Variants in NEURL4 observed in about 807,000 individuals in gnomAD.
NEURL4 encodes the protein neuralized E3 ubiquitin protein ligase 4, also known as neuralized-like protein 4.
A neutral mutation model predicts 148.0 loss-of-function variants in NEURL4; 45 were observed. That is an observed-to-expected ratio of 0.30 (90% CI 0.24 to 0.39). The LOEUF (loss-of-function observed/expected upper bound fraction) is 0.39. Among genes scored for constraint, NEURL4 ranks in the 10% least tolerant of loss-of-function variants. The pLI, the probability that NEURL4 is intolerant of heterozygous loss-of-function variation, is 1.00. For missense variants in NEURL4, 1,776 were observed against 2,144.0 expected, an observed-to-expected ratio of 0.83 and a Z score of 3.39; for synonymous variants, 854 against 869.0, an observed-to-expected ratio of 0.98 and a Z score of 0.30.
rs2072939115 is a variant in NEURL4 at position 7,316,069 on chromosome 17, C to T, written c.*54G>A. 5 of 958,504 alleles carry T rather than the reference C, an allele frequency of 5.2e-6. No homozygotes were observed. The highest frequency in any genetic ancestry group is 8.6e-6 in the Non-Finnish European group (5 of 582,360). The allele number at this position is 958,504 out of a possible 1,614,324, so 59.4% of individuals were successfully genotyped here. ...GAATGAGGTGGAGGCAGTCGCCACT[C>T]AGAGTCCATGGGCCCGCGGCCCGAC... On this transcript the variant is annotated 3_prime_UTR_variant, in exon 29 of 29. Coordinates refer to ENST00000399464, the MANE Select transcript of NEURL4 (RefSeq NM_032442.3).
chr17:7,325,802 G>C, intron 6 of NEURL4, 89 bp from the exon 7 acceptor site: 1 of 1,073,244 alleles, frequency 9.3e-7, no homozygotes, highest in Non-Finnish European at 1.4e-6. Flanking sequence ...AGGTATTCGT[G>C]AGAGTCTCAG....
At position 7,317,850 on chromosome 17, in the gene NEURL4, C is replaced by T. The variant is rs2072971280; in HGVS notation, c.4143G>A (p.Arg1381=). The T allele has an allele frequency of 6.2e-7, 1 of 1,614,158 alleles. No individual in the cohort carries two copies. Among genetic ancestry groups the T allele is most frequent in the South Asian group, 1.1e-5 (1 of 91,092 alleles). The change falls in exon 26 of 29, where the codon AGG becomes AGA. Residue 1381 remains arginine (R), a synonymous_variant. Transcript: ENST00000399464. ...ATTCCCGGGGAGGCTCCCCTCTGCG[C>T]CTGTGGGCCTCGTCTCCTCGCAGCT... is the stretch of plus-strand genomic sequence containing the variant. ...CRKLRGDEAH[R]RRGEPPREYA... is the part of the protein sequence containing the mutation.
chr17:7,322,109 C>T lies in NEURL4; in HGVS notation c.2726-99G>A. 7.5e-7 allele frequency: 1 copy of T among 1,330,928 alleles called. No individual in the cohort carries two copies. The highest frequency in any genetic ancestry group is 1.0e-6 in the Non-Finnish European group (1 of 977,866). 82.4% of individuals were successfully genotyped at this position (1,330,928 alleles called of 1,614,324 possible). On this transcript the variant is annotated intron_variant, in intron 16 of 28. Transcript: ENST00000399464. This position sits in a 1 kb window ranked among gnomAD's most constrained non-coding sequence, Gnocchi z 5.5. ...TTCAGATGAAACGAAATGGGGATGC[C>T]AACGCCCCATCTGCCATCTGCCATT...
rs771749735 is a variant in NEURL4 at position 7,324,365 on chromosome 17, G to A, written c.1899+30C>T. ...CCGCGGTGTTTGTGATGCCCGCTGC[G>A]GCCGCCAGGCGGCGCACCCACTTTC... On this transcript the variant is annotated intron_variant, in intron 10 of 28. Coordinates refer to ENST00000399464, the MANE Select transcript of NEURL4 (RefSeq NM_032442.3). This position sits in a 1 kb window ranked among gnomAD's most constrained non-coding sequence, Gnocchi z 5.9. 86 of 1,613,862 alleles carry A rather than the reference G, an allele frequency of 5.3e-5. 1 individual carries two copies. Among genetic ancestry groups the A allele is most frequent in the South Asian group, 2.2e-4 (20 of 91,086 alleles).
At position 7,317,923 on chromosome 17, in the gene NEURL4, A is replaced by G; in HGVS notation, c.4070T>C (p.Phe1357Ser). 1 of 1,614,182 alleles carries G rather than the reference A, an allele frequency of 6.2e-7. No homozygotes were observed. The highest frequency in any genetic ancestry group is 8.5e-7 in the Non-Finnish European group (1 of 1,180,036). The stretch of plus-strand genomic sequence containing the variant: ...CAGGCTTCGCTTTGGCGGAGGCATG[A>G]AATAATCTTCTGCGGGACAGTGAGT... Reference protein sequence around the residue: ...QELLLLPEDYFMPPPKRSLCY... With the variant: ...QELLLLPEDYSMPPPKRSLCY... Residue 1357 changes from phenylalanine to serine, a missense_variant, in exon 26 of 29, where the codon TTC becomes TCC. Phe to Ser is a radical substitution (Grantham distance 155). Coordinates refer to ENST00000399464, the MANE Select transcript of NEURL4 (RefSeq NM_032442.3).
chr17:7,317,663 C>G, intron 26 of NEURL4, 90 bp from the exon 27 acceptor site: 1 of 1,543,594 alleles, frequency 6.5e-7, no homozygotes, highest in Non-Finnish European at 8.9e-7. Context: ...GACAGGAAGT[C>G]CCTGGCACTT....
chr17:7,328,957 C>T lies in NEURL4; in HGVS notation c.282+74G>A, dbSNP rs2073137891. ...TGCCCGGCAATGTGGGCTACCCTGG[C>T]TGTCCTACCCCGTCTCCCTCTAGAC... On this transcript the variant is annotated intron_variant, in intron 1 of 28. Transcript: ENST00000399464. 2.2e-6 allele frequency: 3 copies of T among 1,384,514 alleles called. No homozygotes were observed. The African/African-American group carries it at 4.5e-5, about 21-fold the overall frequency. The allele number at this position is 1,384,514 out of a possible 1,614,324, so 85.8% of individuals were successfully genotyped here.
chr17:7,328,929 C>T, intron 1 of NEURL4, 102 bp downstream of exon 1: 2 of 1,156,436 alleles, frequency 1.7e-6, no homozygotes, highest in Non-Finnish European at 2.3e-6. Context: ...TGTTCCCTCT[C>T]GGTGCCCGGC....
rs776183365 is a variant in NEURL4, at chr17:7,317,515, C to T, written c.4264G>A (p.Gly1422Arg). 12 of 1,614,044 alleles carry T rather than the reference C, an allele frequency of 7.4e-6. No homozygotes were observed. The East Asian group carries it at 1.3e-4, about 18-fold the overall frequency. ...CTCCGTACAGCGGCAACATTGCTCC[C>T]GTGATATGCCATGTGCCACTTCTTG... ...LTKKWHMAYH[G>R]SNVAAVRRVL... The change falls in exon 27 of 29, where the codon GGG becomes AGG. Residue 1422 changes from glycine (G) to arginine (R), a missense_variant. Gly to Arg is a moderately radical substitution (Grantham distance 125, BLOSUM62 -2). Transcript: ENST00000399464.
At chr17:7,328,898 C>G (rs2073137241) in intron 1 of NEURL4, 133 bp downstream of exon 1, 19 of 803,604 alleles carry the variant, frequency 2.4e-5, no homozygotes, top group Admixed American at 7.6e-5. Flanking sequence ...CTGACCGCCC[C>G]CTGGTGCTCT....
In NEURL4 at chr17:7,321,520, C is replaced by T. The variant is rs2073033880; in HGVS notation, c.3099+40G>A. 2 of 1,612,960 alleles carry T rather than the reference C, an allele frequency of 1.2e-6. No homozygotes were observed. Among genetic ancestry groups the T allele is most frequent in the African/African-American group, 1.3e-5 (1 of 74,908 alleles). On this transcript the variant is annotated intron_variant, in intron 18 of 28. Coordinates refer to ENST00000399464, the MANE Select transcript of NEURL4 (RefSeq NM_032442.3). The surrounding 1 kb of genome is among the most constrained non-coding windows in gnomAD (Gnocchi z 6.3). The stretch of plus-strand genomic sequence containing the variant: ...AGCCCACCTCTCCCTGCCACCTCCA[C>T]TCCCAACCCCTCCCCTGTCCCTGGA...
rs2073021749 is a variant in NEURL4 at position 7,320,787 on chromosome 17, T to C, written c.3497A>G (p.Gln1166Arg). Residue 1166 changes from glutamine (Q) to arginine (R), a missense_variant, in exon 21 of 29, where the codon CAA becomes CGA. Gln to Arg is a conservative substitution (Grantham distance 43). Coordinates refer to ENST00000399464, the MANE Select transcript of NEURL4 (RefSeq NM_032442.3). ...SYNQGIVVIN[Q>R]PLVPQLLVQV... Reference sequence around the variant, plus strand: ...CACCAGCAGCTGGGGCACCAGAGGTTGGTTGATGACAACGATGCCCTGATT... The same window carrying C: ...CACCAGCAGCTGGGGCACCAGAGGTCGGTTGATGACAACGATGCCCTGATT... The C allele has an allele frequency of 6.2e-7, 1 of 1,613,810 alleles. No individual in the cohort carries two copies. Among genetic ancestry groups the C allele is most frequent in the Admixed American group, 1.7e-5 (1 of 59,958 alleles).
intron 21 of NEURL4, 49 bp downstream of exon 21, chr17:7,320,710 T>C (rs2073020369): frequency 6.4e-7 from 1 of 1,555,226 alleles, no homozygotes; most frequent in Non-Finnish European, 8.7e-7. Context: ...GGGTTGGCCA[T>C]GGGTCACTGT....
rs1276594380 is a variant in NEURL4, at chr17:7,322,100, TG to T, written c.2726-91del. 3.4e-6 allele frequency: 5 copies of T among 1,452,552 alleles called. No individual in the cohort carries two copies. In the East Asian group the frequency reaches 9.1e-5, roughly 27 times the overall value. The allele number at this position is 1,452,552 out of a possible 1,614,324, so 90.0% of individuals were successfully genotyped here. On this transcript the variant is annotated intron_variant, in intron 16 of 28. Transcript: ENST00000399464. The surrounding 1 kb of genome is among the most constrained non-coding windows in gnomAD (Gnocchi z 5.5). ...AGCAAAGCTTTCAGATGAAACGAAATGGGGATGCCAACGCCCCATCTGCCAT... is the reference window on the plus strand; with the variant it reads ...AGCAAAGCTTTCAGATGAAACGAAATGGGATGCCAACGCCCCATCTGCCAT...
chr17:7,317,380 G>A lies in NEURL4; in HGVS notation c.4319-10C>T, dbSNP rs763371681. ...AGGATGGAGGCAGTACCTGGGAGGAGAACTGGGTCAGGATAGCCCTTTTTA... is the reference window on the plus strand; with the variant it reads ...AGGATGGAGGCAGTACCTGGGAGGAAAACTGGGTCAGGATAGCCCTTTTTA... On this transcript the variant is annotated splice_polypyrimidine_tract_variant and intron_variant, in intron 27 of 28. Transcript: ENST00000399464. 6.3e-7 allele frequency: 1 copy of A among 1,590,058 alleles called. No homozygotes were observed. The highest frequency in any genetic ancestry group is 8.6e-7 in the Non-Finnish European group (1 of 1,166,418).
In NEURL4 at chr17:7,326,459, G is replaced by A. The variant is rs764617244; in HGVS notation, c.1182C>T (p.Ala394=). The A allele has an allele frequency of 1.9e-6, 3 of 1,614,174 alleles. No homozygotes were observed. The highest frequency in any genetic ancestry group is 2.2e-5 in the East Asian group (1 of 44,882). ...TACCTGACTGGAGGTTGGTCATGGTGGCTGGGTACTCCAAACTGTTGGGGT... is the reference window on the plus strand; with the variant it reads ...TACCTGACTGGAGGTTGGTCATGGTAGCTGGGTACTCCAAACTGTTGGGGT... ...THNPNSLEYP[A]TMTNLQSGTI... Residue 394 remains alanine (A), a synonymous_variant, in exon 5 of 29, where the codon GCC becomes GCT. Coordinates refer to ENST00000399464, the MANE Select transcript of NEURL4 (RefSeq NM_032442.3). This position sits in a 1 kb window ranked among gnomAD's most constrained non-coding sequence, Gnocchi z 6.0.
At chr17:7,325,026 C>A (rs1474247032) in intron 8 of NEURL4, 46 bp from the exon 9 acceptor site, 6 of 1,605,262 alleles carry the variant, frequency 3.7e-6, no homozygotes, top group Non-Finnish European at 5.1e-6. Flanking sequence ...CACACGCTCT[C>A]AATGTGCCAA....
At position 7,317,473 on chromosome 17, in the gene NEURL4, C is replaced by T; in HGVS notation, c.4306G>A (p.Glu1436Lys). The T allele has an allele frequency of 1.2e-6, 2 of 1,614,192 alleles. No individual in the cohort carries two copies. Among genetic ancestry groups the T allele is most frequent in the Non-Finnish European group, 1.7e-6 (2 of 1,180,012 alleles). The change falls in exon 27 of 29, where the codon GAG becomes AAG. Residue 1436 changes from glutamate (E) to lysine (K), a missense_variant. Transcript: ENST00000399464. ...TACTCGCCAGTACCTGCTCCCAGCT[C>T]CCCTCGGTCCAGCACTCTCCGTACA... ...AAVRRVLDRGELGAGTASILS... is the reference protein window; with the variant it reads ...AAVRRVLDRGKLGAGTASILS...
In NEURL4 at chr17:7,324,538, C is replaced by A. The variant is rs2073076219; in HGVS notation, c.1814-58G>T. 2.7e-6 allele frequency: 4 copies of A among 1,497,290 alleles called. No individual in the cohort carries two copies. The highest frequency in any genetic ancestry group is 3.4e-5 in the Admixed American group (2 of 59,434). 92.8% of individuals were successfully genotyped at this position (1,497,290 alleles called of 1,614,324 possible). On this transcript the variant is annotated intron_variant, in intron 9 of 28. Coordinates refer to ENST00000399464, the MANE Select transcript of NEURL4 (RefSeq NM_032442.3). The surrounding 1 kb of genome is among the most constrained non-coding windows in gnomAD (Gnocchi z 5.9). ...GGGAAATGCAGGGCTCCTCTCCTTG[C>A]CACAGCAGCGCCCACAGGACTCCCG...
Sources: gnomAD v4.1 joint callset for allele counts on GRCh38, gnomAD v4.1.1 for gene constraint, Gnocchi (gnomAD v3.1) non-coding constraint, MANE v1.5 for transcripts, NCBI Gene and HGNC (gene_info 2026-07-23, HGNC 2026-07-21) for gene names.